WDFY3: variants seen among roughly 807,000 people sequenced by gnomAD.
WDFY3 encodes WD repeat and FYVE domain containing 3, also known as WD repeat and FYVE domain-containing protein 3.
A neutral mutation model predicts 409.6 loss-of-function variants in WDFY3; 66 were observed. That is an observed-to-expected ratio of 0.16 (90% CI 0.13 to 0.20). WDFY3 has a LOEUF of 0.20. WDFY3 is among the 10% of genes least tolerant of loss of function. The pLI is 1.00. For missense variants in WDFY3, 3,031 were observed against 4,298.1 expected (o/e 0.71, Z 8.24); for synonymous variants, 1,521 against 1,537.1 (o/e 0.99, Z 0.25).
intron 33 of WDFY3, 49 bp from the exon 34 acceptor site, chr4:84,755,449 A>G: frequency 6.4e-7 from 1 of 1,567,816 alleles, no homozygotes; most frequent in South Asian, 1.2e-5. Context: ...ATTTTTCAGT[A>G]GAGACCCTCA....
Position 84,682,128 on chromosome 4 carries a change from A to G in WDFY3, c.9823+246T>C, listed in dbSNP as rs79944130. On this transcript the variant is annotated intron_variant, in intron 64 of 67. Coordinates refer to ENST00000295888, the MANE Select transcript of WDFY3 (RefSeq NM_014991.6). ...CAAAGCCTTTGGTACTCTAGGAAGT[A>G]AGTGCTATATTTAGTATGGAATGTG... 8.4e-3 allele frequency among the ~76,000 whole-genome samples: 1,276 copies of G among 152,298 alleles called. 22 individuals carry two copies. The highest frequency in any genetic ancestry group is 0.029 in the African/African-American group (1,206 of 41,556).
chr4:84,902,377 A>T (rs1766456546), intron 2 of WDFY3, among the ~76,000 whole-genome samples: 1 of 152,194 alleles, frequency 6.6e-6, no homozygotes, highest in South Asian at 2.1e-4. Flanking sequence ...ATATTTTGTA[A>T]ATCCAATAAA....
chr4:84,947,054 G>A (rs1180555949), intron 1 of WDFY3, among the ~76,000 whole-genome samples: 3 of 151,140 alleles, frequency 2.0e-5, no homozygotes, highest in Non-Finnish European at 4.4e-5. Flanking sequence ...TGATCCACCC[G>A]CCTCGGCCTC....
intron 2 of WDFY3, among the ~76,000 whole-genome samples, chr4:84,922,138 A>G (rs1769374181): frequency 6.6e-6 from 1 of 152,076 alleles, no homozygotes; most frequent in Admixed American, 6.6e-5. Context: ...GATTTTAGCT[A>G]TCAGTATAAG....
intron 2 of WDFY3, among the ~76,000 whole-genome samples, chr4:84,915,381 T>C (rs988462195): frequency 2.0e-5 from 3 of 152,316 alleles, no homozygotes; most frequent in Admixed American, 2.0e-4. Context: ...TGAATATTAT[T>C]CCTGAAACAG....
intron 26 of WDFY3, 48 bp downstream of exon 26, chr4:84,780,060 T>C (rs1746234592): frequency 6.7e-7 from 1 of 1,485,908 alleles, no homozygotes; most frequent in Non-Finnish European, 9.0e-7. Flanking sequence ...AAAAGCAGAG[T>C]ATTTTAGGTG....
chr4:84,683,661 G>C (rs1291343009), intron 63 of WDFY3, among the ~76,000 whole-genome samples: 1 of 152,162 alleles, frequency 6.6e-6, no homozygotes, highest in Non-Finnish European at 1.5e-5. Context: ...CGCATGTTGA[G>C]CAATCCCAGT....
At chr4:84,730,129 CA>C (rs1293983443) in intron 44 of WDFY3, among the ~76,000 whole-genome samples, 1 of 152,068 alleles carries the variant, frequency 6.6e-6, no homozygotes, top group African/African-American at 2.4e-5. Context: ...GAGTCCCTTT[CA>C]AAACCCTGGA....
chr4:84,690,008 A>G (rs1728988309), intron 61 of WDFY3, among the ~76,000 whole-genome samples: 2 of 152,222 alleles, frequency 1.3e-5, no homozygotes, highest in Admixed American at 1.3e-4. Context: ...TAATAGAATC[A>G]TGTATGTAAT....
chr4:84,869,970 T>C (rs1443299316), intron 3 of WDFY3, among the ~76,000 whole-genome samples: 1 of 152,146 alleles, frequency 6.6e-6, no homozygotes, highest in Non-Finnish European at 1.5e-5. Flanking sequence ...CTAAGTAAAA[T>C]GGAAATTACT....
intron 17 of WDFY3, 51 bp from the exon 18 acceptor site, chr4:84,798,159 T>C (rs1749835954): frequency 7.1e-7 from 1 of 1,412,964 alleles, no homozygotes; most frequent in Non-Finnish European, 9.8e-7. Context: ...TATTATATAA[T>C]TCATTAACCA....
At chr4:84,727,622 T>C (rs1033409623) in intron 44 of WDFY3, among the ~76,000 whole-genome samples, 2 of 152,242 alleles carry the variant, frequency 1.3e-5, no homozygotes, top group Non-Finnish European at 2.9e-5. Flanking sequence ...AGCTGTAGCA[T>C]GTGGCTTCAT....
chr4:84,815,941 AATT>A (rs1753234484), intron 13 of WDFY3, among the ~76,000 whole-genome samples: 1 of 152,146 alleles, frequency 6.6e-6, no homozygotes, highest in Non-Finnish European at 1.5e-5. Flanking sequence ...TACTTGAATC[AATT>A]ATTACTACGA....
intron 55 of WDFY3, among the ~76,000 whole-genome samples, chr4:84,703,355 T>A (rs775721968): frequency 1.3e-4 from 20 of 152,206 alleles, no homozygotes; most frequent in Non-Finnish European, 2.6e-4. Context: ...GCCTCACAGG[T>A]ACACTATCCA....
At chr4:84,700,046 T>C (rs942186032) in intron 56 of WDFY3, among the ~76,000 whole-genome samples, 1 of 152,126 alleles carries the variant, frequency 6.6e-6, no homozygotes, top group Non-Finnish European at 1.5e-5. Flanking sequence ...ATGCAGAAAC[T>C]TCTAATTTTG....
intron 17 of WDFY3, among the ~76,000 whole-genome samples, chr4:84,798,803 T>G (rs527319485): frequency 3.5e-4 from 54 of 152,144 alleles, no homozygotes; most frequent in Non-Finnish European, 4.3e-4. Context: ...CCCAACTCAA[T>G]CCATTCCTCA....
At chr4:84,677,101 T>C in intron 67 of WDFY3, 98 bp downstream of exon 67, 3 of 1,402,212 alleles carry the variant, frequency 2.1e-6, no homozygotes, top group Non-Finnish European at 2.9e-6. Context: ...CATACTGTAG[T>C]GGGGACGCCA....
At chr4:84,848,986 A>C (rs529861363) in intron 5 of WDFY3, among the ~76,000 whole-genome samples, 2 of 152,350 alleles carry the variant, frequency 1.3e-5, no homozygotes, top group South Asian at 2.1e-4. Context: ...AAAAGAAAAG[A>C]ACCCATTTTT....
At chr4:84,904,487 G>A (rs1487067118) in intron 2 of WDFY3, among the ~76,000 whole-genome samples, 1 of 152,094 alleles carries the variant, frequency 6.6e-6, no homozygotes, top group African/African-American at 2.4e-5. Context: ...TGGTAGACAT[G>A]GTAGAGATGT....
Sources: allele counts gnomAD v4.1 joint callset (sites outside exome capture counted in the v4.1 genomes callset), GRCh38; gene constraint gnomAD v4.1.1; transcripts MANE v1.5; gene names NCBI Gene and HGNC (gene_info 2026-07-23, HGNC 2026-07-21).